NKAIN2: variants seen among roughly 807,000 people sequenced by gnomAD.
NKAIN2 encodes the protein sodium/potassium-transporting ATPase subunit beta-1-interacting protein 2.
NKAIN2 carries 14 observed loss-of-function variants against 32.6 expected under a neutral mutation model. The ratio of observed to expected loss-of-function variants is 0.43; its 90% CI spans 0.28 to 0.67. The LOEUF (loss-of-function observed/expected upper bound fraction) is 0.67. NKAIN2 is among the 30% of genes least tolerant of loss of function. The pLI is 0.17. For missense variants in NKAIN2, 198 were observed against 258.3 expected (o/e 0.77, Z 1.60); for synonymous variants, 80 against 87.2 (o/e 0.92, Z 0.46).
chr6:124,720,976 C>A (rs868564307), intron 4 of NKAIN2, among the ~76,000 whole-genome samples: 1 of 152,130 alleles, frequency 6.6e-6, no homozygotes, highest in African/African-American at 2.4e-5. Context: ...ATGTGATAAC[C>A]CATTTCATAG....
intron 1 of NKAIN2, among the ~76,000 whole-genome samples, chr6:124,033,566 A>G (rs924648652): frequency 6.6e-6 from 1 of 152,114 alleles, no homozygotes; most frequent in Non-Finnish European, 1.5e-5. Flanking sequence ...AAGTTAAATC[A>G]CATTTGGGAT....
chr6:124,380,418 G>A (rs7751845), intron 3 of NKAIN2, among the ~76,000 whole-genome samples: 88,719 of 152,070 alleles, frequency 0.58, 26,822 homozygotes, highest in African/African-American at 0.75. Flanking sequence ...GTTCTCACCA[G>A]TGGAATACTA....
intron 3 of NKAIN2, among the ~76,000 whole-genome samples, chr6:124,483,162 T>C (rs962928924): frequency 6.6e-6 from 1 of 152,114 alleles, no homozygotes; most frequent in Non-Finnish European, 1.5e-5. Context: ...ATACCAATTA[T>C]ACTAACAAAG....
chr6:124,145,881 C>T (rs1217739418), intron 1 of NKAIN2, among the ~76,000 whole-genome samples: 2 of 152,002 alleles, frequency 1.3e-5, no homozygotes, highest in African/African-American at 4.8e-5. Flanking sequence ...AGGAAAAAGG[C>T]AGATATGGTT....
chr6:124,407,292 C>A (rs1773905960), intron 3 of NKAIN2, among the ~76,000 whole-genome samples: 1 of 151,566 alleles, frequency 6.6e-6, no homozygotes, highest in Non-Finnish European at 1.5e-5. Context: ...TGTGCTGCAC[C>A]CATTAACTCG....
chr6:123,905,991 T>A (rs746321705), intron 1 of NKAIN2, among the ~76,000 whole-genome samples: 9 of 152,220 alleles, frequency 5.9e-5, no homozygotes, highest in Non-Finnish European at 1.2e-4. Context: ...TTTCAAGCAG[T>A]ATAATTTTTA....
chr6:123,878,238 T>A (rs1429460443), intron 1 of NKAIN2, among the ~76,000 whole-genome samples: 1 of 146,012 alleles, frequency 6.8e-6, no homozygotes, highest in Non-Finnish European at 1.5e-5. Flanking sequence ...AAAAAAAAAA[T>A]TGTAATTATC....
At chr6:124,358,570 T>A (rs1480640257) in intron 3 of NKAIN2, among the ~76,000 whole-genome samples, 2 of 152,254 alleles carry the variant, frequency 1.3e-5, no homozygotes, top group Admixed American at 6.5e-5. Context: ...TCCATAAATG[T>A]CTTCTTTTGA....
intron 1 of NKAIN2, among the ~76,000 whole-genome samples, chr6:124,131,746 G>A (rs887386827): frequency 6.6e-6 from 1 of 152,102 alleles, no homozygotes; most frequent in African/African-American, 2.4e-5. Context: ...CTTGAGCCCA[G>A]GGAAGGCATC....
intron 1 of NKAIN2, among the ~76,000 whole-genome samples, chr6:123,853,355 TTGAA>T (rs2114962340): frequency 6.6e-6 from 1 of 152,266 alleles, no homozygotes; most frequent in Admixed American, 6.5e-5. Context: ...AATAGAAAAA[TTGAA>T]TGGTCTCTTT....
At chr6:124,743,276 C>T (rs1200601762) in intron 4 of NKAIN2, among the ~76,000 whole-genome samples, 1 of 151,800 alleles carries the variant, frequency 6.6e-6, no homozygotes, top group Admixed American at 6.6e-5. Flanking sequence ...TAAGCCACTA[C>T]ACAAATAAAA....
chr6:124,093,105 T>C (rs1321381459), intron 1 of NKAIN2, among the ~76,000 whole-genome samples: 1 of 152,148 alleles, frequency 6.6e-6, no homozygotes, highest in Non-Finnish European at 1.5e-5. Context: ...CTGGGCATTT[T>C]TGAAGCTTAC....
chr6:124,246,628 C>T (rs1331449190), intron 1 of NKAIN2, among the ~76,000 whole-genome samples: 3 of 152,022 alleles, frequency 2.0e-5, no homozygotes, highest in Non-Finnish European at 4.4e-5. Flanking sequence ...AGGAGCAATA[C>T]AATAGATCTG....
At chr6:123,884,443 T>G (rs1364547854) in intron 1 of NKAIN2, among the ~76,000 whole-genome samples, 1 of 152,146 alleles carries the variant, frequency 6.6e-6, no homozygotes, top group Non-Finnish European at 1.5e-5. Context: ...TTGGAAAGAC[T>G]GAAGTAGTAA....
intron 2 of NKAIN2, among the ~76,000 whole-genome samples, chr6:124,323,185 G>A (rs1797266141): frequency 6.6e-6 from 1 of 152,006 alleles, no homozygotes; most frequent in Non-Finnish European, 1.5e-5. Flanking sequence ...TAGCTGCCAG[G>A]TATGTGGTTT....
intron 1 of NKAIN2, among the ~76,000 whole-genome samples, chr6:123,987,026 T>A (rs1258478552): frequency 2.0e-5 from 3 of 152,206 alleles, no homozygotes; most frequent in African/African-American, 7.2e-5. Flanking sequence ...CATACGGCTC[T>A]CAGTTTTCTC....
chr6:123,930,114 A>T (rs1203063838), intron 1 of NKAIN2, among the ~76,000 whole-genome samples: 3 of 152,146 alleles, frequency 2.0e-5, no homozygotes, highest in African/African-American at 7.2e-5. Flanking sequence ...CTTCAAAATA[A>T]AAATGAAAGT....
intron 1 of NKAIN2, among the ~76,000 whole-genome samples, chr6:124,100,422 A>G (rs957720401): frequency 3.3e-5 from 5 of 152,228 alleles, no homozygotes; most frequent in Admixed American, 2.0e-4. Context: ...TCATGGTAAT[A>G]TGTTGAATTT....
chr6:124,784,395 C>T (rs9482575), intron 4 of NKAIN2, among the ~76,000 whole-genome samples: 26,940 of 152,010 alleles, frequency 0.18, 3,107 homozygotes, highest in African/African-American at 0.32. Context: ...TAACCCACCC[C>T]CCTTAGTCCC....
Sources: allele counts gnomAD v4.1 joint callset (sites outside exome capture counted in the v4.1 genomes callset), GRCh38; gene constraint gnomAD v4.1.1; transcripts MANE v1.5; gene names NCBI Gene and HGNC (gene_info 2026-07-23, HGNC 2026-07-21).